SLC44A1: variants seen among roughly 807,000 people sequenced by gnomAD.
SLC44A1 encodes choline transporter-like protein 1.
Under a neutral mutation model 79.3 loss-of-function variants are expected in SLC44A1, and 26 were observed. The ratio of observed to expected loss-of-function variants is 0.33; its 90% CI spans 0.24 to 0.46. The LOEUF (loss-of-function observed/expected upper bound fraction) is 0.46, where lower values mean the gene tolerates loss of function less well. SLC44A1 is among the 20% of genes least tolerant of loss of function. SLC44A1 has a pLI of 1.00. For synonymous variants in SLC44A1, 263 were observed against 286.2 expected (o/e 0.92, Z 0.82); for missense variants, 688 against 798.1 (o/e 0.86, Z 1.66).
Position 105,390,171 on chromosome 9 carries a change from G to T in SLC44A1, c.*1115G>T. 7 of 1,200,476 alleles carry T rather than the reference G, an allele frequency of 5.8e-6. No individual in the cohort carries two copies. Among genetic ancestry groups the T allele is most frequent in the Non-Finnish European group, 7.2e-6 (7 of 965,650 alleles). The allele number at this position is 1,200,476 out of a possible 1,614,324, so 74.4% of individuals were successfully genotyped here. The stretch of plus-strand genomic sequence containing the variant: ...TCCAGTGTGACTGTTGTTTTTGTTT[G>T]GGGGTGGGTTTGGGGTTTTTTGCTT... On this transcript the variant is annotated 3_prime_UTR_variant, in exon 16 of 16. Transcript: ENST00000374720.
chr9:105,402,263 T>C (rs1328472627), downstream of SLC44A1, among the ~76,000 whole-genome samples: 1 of 151,884 alleles, frequency 6.6e-6, no homozygotes, highest in Non-Finnish European at 1.5e-5. Context: ...GAGAAAGACT[T>C]GGGAGGAAGG....
chr9:105,348,968 C>A (rs776593202), intron 5 of SLC44A1, among the ~76,000 whole-genome samples: 102 of 152,078 alleles, frequency 6.7e-4, no homozygotes, highest in Non-Finnish European at 1.1e-3. Context: ...AGGTCTTCTT[C>A]AACAAACATT....
intron 13 of SLC44A1, among the ~76,000 whole-genome samples, chr9:105,376,348 CACT>C (rs1310843192): frequency 8.6e-4 from 111 of 128,864 alleles, no homozygotes; most frequent in African/African-American, 3.4e-3. Flanking sequence ...CACACACACA[CACT>C]ACACACACAC....
intron 3 of SLC44A1, among the ~76,000 whole-genome samples, chr9:105,328,069 C>T (rs1311622322): frequency 6.6e-6 from 1 of 152,186 alleles, no homozygotes; most frequent in Non-Finnish European, 1.5e-5. Flanking sequence ...TCCCCTCTGG[C>T]CCCACTTAGC....
chr9:105,288,503 C>A (rs12336768), intron 1 of SLC44A1, among the ~76,000 whole-genome samples: 2 of 152,094 alleles, frequency 1.3e-5, no homozygotes, highest in African/African-American at 2.4e-5. Flanking sequence ...TGTGTGCCAC[C>A]ACACCTGGCT....
At chr9:105,378,430 A>G (rs867335806) in intron 13 of SLC44A1, among the ~76,000 whole-genome samples, 15 of 152,134 alleles carry the variant, frequency 9.9e-5, no homozygotes, top group Non-Finnish European at 2.1e-4. Context: ...GCTGTGCTCA[A>G]TTTTTTACTA....
In SLC44A1 at chr9:105,335,674, T is replaced by A; in HGVS notation, c.381T>A (p.Asp127Glu). The A allele has an allele frequency of 6.2e-7, 1 of 1,613,536 alleles. No individual in the cohort carries two copies. Among genetic ancestry groups the A allele is most frequent in the South Asian group, 1.1e-5 (1 of 90,946 alleles). ...CPRQELKTLSDVQKFAEINGS... is the reference protein window; with the variant it reads ...CPRQELKTLSEVQKFAEINGS... ...GGCAAGAACTGAAAACTCTGAGTGA[T>A]GTTCAGAAGTTTGCAGAGATAAATG... Residue 127 changes from aspartate (D) to glutamate (E), a missense_variant, in exon 4 of 16, where the codon GAT becomes GAA. Transcript: ENST00000374720.
chr9:105,423,142 T>TA (rs1331989419), intron 15 of SLC44A1, among the ~76,000 whole-genome samples: 1 of 152,128 alleles, frequency 6.6e-6, no homozygotes, highest in Non-Finnish European at 1.5e-5. Context: ...AAACGTGTAT[T>TA]AAAAATCTCA....
intron 4 of SLC44A1, among the ~76,000 whole-genome samples, chr9:105,347,152 C>T (rs2131378489): frequency 6.6e-6 from 1 of 152,176 alleles, no homozygotes; most frequent in Non-Finnish European, 1.5e-5. Flanking sequence ...CCAGTTCCTT[C>T]TCATATGGTC....
chr9:105,300,815 T>G (rs1830858467), intron 2 of SLC44A1, among the ~76,000 whole-genome samples: 1 of 152,032 alleles, frequency 6.6e-6, no homozygotes, highest in Non-Finnish European at 1.5e-5. Context: ...TTGCTCTTGT[T>G]GCCCATGCTG....
At chr9:105,356,507 A>G (rs1827628314) in intron 6 of SLC44A1, 126 bp downstream of exon 6, 1 of 591,198 alleles carries the variant, frequency 1.7e-6, no homozygotes, top group South Asian at 2.4e-5. Flanking sequence ...AGCCAAAATC[A>G]TTGTTTCAGA....
chr9:105,300,057 TGCTATTTTTAAA>T, intron 2 of SLC44A1: 1 of 435,084 alleles, frequency 2.3e-6, no homozygotes, highest in Non-Finnish European at 3.1e-6. Context: ...CATAGAAAAC[TGCTATTTTTAAA>T]GCGGTCTGAT....
intron 3 of SLC44A1, among the ~76,000 whole-genome samples, chr9:105,324,550 G>A (rs753457079): frequency 1.4e-4 from 21 of 152,076 alleles, no homozygotes; most frequent in African/African-American, 5.1e-4. Flanking sequence ...ACCACGCCTG[G>A]CCTCCAAGTG....
At chr9:105,420,861 CAAA>C (rs34053627) in intron 15 of SLC44A1, among the ~76,000 whole-genome samples, 63 of 12,470 alleles carry the variant, frequency 5.1e-3, no homozygotes, top group African/African-American at 0.012. Flanking sequence ...AACTCCATCT[CAAA>C]AAAAAAAAAA....
chr9:105,347,781 T>C (rs780368268), intron 4 of SLC44A1, among the ~76,000 whole-genome samples: 1 of 152,090 alleles, frequency 6.6e-6, no homozygotes, highest in Non-Finnish European at 1.5e-5. Context: ...TATTTACAGT[T>C]AGGAATGTTT....
rs566600736 is a variant in SLC44A1 at position 105,427,066 on chromosome 9, G to A, written c.1951-11215G>A. On this transcript the variant is annotated intron_variant, in intron 15 of 15. Coordinates refer to the SLC44A1 transcript ENST00000374724. ...TTCTCCCATCTCAGCCTCTGGAGTA[G>A]CTGGGACTACAGGCCCACCGCGCTC... 3.6e-4 allele frequency among the ~76,000 whole-genome samples: 54 copies of A among 152,058 alleles called. 1 individual carries two copies. In the Middle Eastern group the frequency reaches 0.017, roughly 48 times the overall value.
intron 1 of SLC44A1, among the ~76,000 whole-genome samples, chr9:105,275,423 C>T (rs1830176320): frequency 6.6e-6 from 1 of 152,148 alleles, no homozygotes; most frequent in Non-Finnish European, 1.5e-5. Flanking sequence ...TCATATTTTG[C>T]TTTCAGCTCT....
intron 1 of SLC44A1, among the ~76,000 whole-genome samples, chr9:105,265,576 A>G (rs1201007678): frequency 6.6e-6 from 1 of 152,214 alleles, no homozygotes; most frequent in African/African-American, 2.4e-5. Context: ...TTATTAATAA[A>G]GCTCCTGTGA....
intron 5 of SLC44A1, 24 bp from the exon 6 acceptor site, chr9:105,356,176 AATTTTTTTTCTG>A (rs1377683031): frequency 6.4e-7 from 1 of 1,567,688 alleles, no homozygotes; most frequent in Non-Finnish European, 8.8e-7. Flanking sequence ...AAGTAGGAGT[AATTTTTTTTCTG>A]ATTTTTTTTT....
Sources: gnomAD v4.1 joint callset for allele counts (sites outside exome capture counted in the v4.1 genomes callset) on GRCh38, gnomAD v4.1.1 for gene constraint, MANE v1.5 for transcripts, NCBI Gene and HGNC (gene_info 2026-07-23, HGNC 2026-07-21) for gene names.